Variants in HHIPL2 observed in about 807,000 individuals in gnomAD.
The protein encoded by HHIPL2 is HHIP-like protein 2.
In HHIPL2, 61 loss-of-function variants were observed where a neutral mutation model predicts 61.0. The observed-to-expected ratio is 1.00, with a 90% CI of 0.81 to 1.24. The LOEUF (loss-of-function observed/expected upper bound fraction) is 1.24, where lower values mean the gene tolerates loss of function less well. Among genes scored for constraint, HHIPL2 ranks in the 50% most tolerant of loss-of-function variants. The probability of loss-of-function intolerance (pLI) is 0.00; values close to 1 mark genes in which losing one functional copy is unlikely to be tolerated. For synonymous variants in HHIPL2, 343 were observed against 357.4 expected (o/e 0.96, Z 0.45); for missense variants, 885 against 910.2 (o/e 0.97, Z 0.36).
chr1:222,546,103 G>A (rs1571780223), intron 1 of HHIPL2, among the ~76,000 whole-genome samples: 2 of 147,464 alleles, frequency 1.4e-5, no homozygotes, highest in East Asian at 4.0e-4. Context: ...TGTTGAGTCT[G>A]TCTTACGTGC....
intron 1 of HHIPL2, among the ~76,000 whole-genome samples, chr1:222,546,857 G>GTTC (rs1659566272): frequency 6.6e-6 from 1 of 152,234 alleles, no homozygotes; most frequent in Non-Finnish European, 1.5e-5. Flanking sequence ...GTCATGAACA[G>GTTC]ATGCCTGTGG....
chr1:222,525,553 C>T (rs1319889131), intron 7 of HHIPL2, among the ~76,000 whole-genome samples: 9 of 152,202 alleles, frequency 5.9e-5, no homozygotes, highest in African/African-American at 2.2e-4. Context: ...AAGCCCTAAC[C>T]AGTGGCTGGA....
intron 1 of HHIPL2, among the ~76,000 whole-genome samples, chr1:222,547,261 G>A (rs1015348675): frequency 2.6e-5 from 4 of 152,172 alleles, no homozygotes; most frequent in South Asian, 4.2e-4. Context: ...CCAGGGTGAC[G>A]CCAGAGATGC....
At position 222,522,893 on chromosome 1, in the gene HHIPL2, A is replaced by G. The variant is rs761750170; in HGVS notation, c.1889-6T>C. ...TAGCAAGTCCAAGACTGTCTCTGAGAAATCAGTATTTATTTAGTGAAAAAT... is the reference window on the plus strand; with the variant it reads ...TAGCAAGTCCAAGACTGTCTCTGAGGAATCAGTATTTATTTAGTGAAAAAT... On this transcript the variant is annotated splice_region_variant and splice_polypyrimidine_tract_variant and intron_variant, in intron 8 of 8. Transcript: ENST00000343410. The G allele has an allele frequency of 2.5e-6, 4 of 1,610,112 alleles. No homozygotes were observed. In the African/African-American group the frequency reaches 5.4e-5, roughly 22 times the overall value.
chr1:222,526,086 G>C (rs1659057824), intron 7 of HHIPL2, among the ~76,000 whole-genome samples: 1 of 152,076 alleles, frequency 6.6e-6, no homozygotes, highest in African/African-American at 2.4e-5. Context: ...CACCCTCCCT[G>C]GGGCAGATAA....
chr1:222,530,887 C>T (rs1232062827), intron 6 of HHIPL2, among the ~76,000 whole-genome samples: 3 of 151,688 alleles, frequency 2.0e-5, no homozygotes, highest in Admixed American at 1.3e-4. Flanking sequence ...GGTGATATCT[C>T]GTGCCAAATA....
At chr1:222,531,039 A>T (rs1659177111) in intron 6 of HHIPL2, among the ~76,000 whole-genome samples, 1 of 152,192 alleles carries the variant, frequency 6.6e-6, no homozygotes, top group Admixed American at 6.5e-5. Context: ...AATGTATTAG[A>T]GCTGAGTCTC....
At chr1:222,539,134 T>C (rs1659368950) in intron 4 of HHIPL2, 1 of 203,204 alleles carries the variant, frequency 4.9e-6, no homozygotes, top group African/African-American at 2.3e-5. Flanking sequence ...GACTGCTTTA[T>C]AAGTTAGAGG....
chr1:222,531,842 G>T (rs1312071113), intron 6 of HHIPL2, 124 bp downstream of exon 6: 1 of 841,006 alleles, frequency 1.2e-6, no homozygotes, highest in Admixed American at 3.0e-5. Context: ...CATTATAAAA[G>T]ATGACTAAAC....
chr1:222,529,228 C>A (rs1407983749), intron 6 of HHIPL2, among the ~76,000 whole-genome samples: 1 of 152,174 alleles, frequency 6.6e-6, no homozygotes, highest in Non-Finnish European at 1.5e-5. Flanking sequence ...AGCTGCCTAA[C>A]AAACTATGAT....
rs75645630 is a variant in HHIPL2, at chr1:222,524,244, C to T, written c.1806-550G>A. The T allele has an allele frequency of 6.1e-3, 941 of 153,454 alleles. 21 individuals carry two copies. The East Asian group carries it at 0.088, about 14-fold the overall frequency. The allele number at this position is 153,454 out of a possible 1,614,324, so 9.5% of individuals were successfully genotyped here. A position where few individuals can be genotyped will look rare whatever the true frequency, so the allele number is the denominator to read the frequency against. The stretch of plus-strand genomic sequence containing the variant: ...CACACATTCTTAAACTGCTTGTCCC[C>T]GGGTGCATCTTCTGAAATAAAAGGG... On this transcript the variant is annotated intron_variant, in intron 7 of 8. Transcript: ENST00000343410.
At position 222,532,031 on chromosome 1, in the gene HHIPL2, C is replaced by A; in HGVS notation, c.1658G>T (p.Cys553Phe). 1 of 1,613,868 alleles carries A rather than the reference C, an allele frequency of 6.2e-7. No homozygotes were observed. The highest frequency in any genetic ancestry group is 8.5e-7 in the Non-Finnish European group (1 of 1,179,762). The change falls in exon 6 of 9, where the codon TGT becomes TTT. Residue 553 changes from cysteine (C) to phenylalanine (F), a missense_variant. Physicochemically the swap from Cys to Phe is radical, Grantham distance 205. Coordinates refer to ENST00000343410, the MANE Select transcript of HHIPL2 (RefSeq NM_024746.4). ...GGTGCTGATCAGCCCTGGGAAGGCA[C>A]AGGACGTGGTGCTGCCCAGGCAAAG... ...QDLCLGSTTS[C>F]AFPGLISTHS...
chr1:222,522,573 C>G lies in HHIPL2; in HGVS notation c.*28G>C. The G allele has an allele frequency of 6.2e-7, 1 of 1,602,362 alleles. No homozygotes were observed. The highest frequency in any genetic ancestry group is 8.5e-7 in the Non-Finnish European group (1 of 1,176,686). On this transcript the variant is annotated 3_prime_UTR_variant, in exon 9 of 9. Transcript: ENST00000343410. ...ATGAGGTGGCTCTCCTCTCTCACGT[C>G]ACCCTGTCGGCCACCTTGACCAATA...
At chr1:222,541,163 G>A (rs1398818374) in intron 3 of HHIPL2, among the ~76,000 whole-genome samples, 1 of 152,184 alleles carries the variant, frequency 6.6e-6, no homozygotes, top group Non-Finnish European at 1.5e-5. Flanking sequence ...AGCGTTTAAT[G>A]CAATTCTTGA....
rs1571777849 is a variant in HHIPL2, at chr1:222,543,802, G to A, written c.709C>T (p.Gln237Ter). Residue 237 changes from glutamine (Q) to a stop codon, truncating the protein, a stop_gained, in exon 2 of 9, where the codon CAG becomes TAG. Transcript: ENST00000343410. LOFTEE classifies it high-confidence loss of function. ...DGTHRFFVAE[Q>*]VGVVWVYLPD... ...AGGTAGACCCACACCACTCCTACCT[G>A]CTCGGCAACAAAGAAGCGATGGGTG... 1 of 1,614,114 alleles carries A rather than the reference G, an allele frequency of 6.2e-7. No homozygotes were observed. The highest frequency in any genetic ancestry group is 8.5e-7 in the Non-Finnish European group (1 of 1,180,014).
In HHIPL2 at chr1:222,531,955, A is replaced by C. The variant is rs764459953; in HGVS notation, c.1723+11T>G. 2 of 1,596,454 alleles carry C rather than the reference A, an allele frequency of 1.3e-6. No homozygotes were observed. The highest frequency in any genetic ancestry group is 1.7e-6 in the Non-Finnish European group (2 of 1,168,558). ...GTAAGCAGAAATCAAACAACTCTGTACATTTGTTACCTGCTTCATCTTCAG... is the reference window on the plus strand; with the variant it reads ...GTAAGCAGAAATCAAACAACTCTGTCCATTTGTTACCTGCTTCATCTTCAG... On this transcript the variant is annotated intron_variant, in intron 6 of 8. Transcript: ENST00000343410.
At chr1:222,524,746 G>C (rs1659024336) in intron 7 of HHIPL2, among the ~76,000 whole-genome samples, 1 of 152,192 alleles carries the variant, frequency 6.6e-6, no homozygotes, top group South Asian at 2.1e-4. Context: ...TGCTGGGATT[G>C]GTGCATTTCG....
At chr1:222,523,525 CA>C in intron 8 of HHIPL2, 86 bp downstream of exon 8, 3 of 1,245,816 alleles carry the variant, frequency 2.4e-6, no homozygotes, top group Non-Finnish European at 3.5e-6. Flanking sequence ...ACTAAGACTC[CA>C]CCATGGGAAT....
At position 222,548,030 on chromosome 1, in the gene HHIPL2, G is replaced by A; in HGVS notation, c.15C>T (p.Ser5=). 6.4e-7 allele frequency: 1 copy of A among 1,556,900 alleles called. No homozygotes were observed. The highest frequency in any genetic ancestry group is 1.2e-5 in the South Asian group (1 of 82,596). Residue 5 remains serine (S), a synonymous_variant, in exon 1 of 9, where the codon TCC becomes TCT. Coordinates refer to ENST00000343410, the MANE Select transcript of HHIPL2 (RefSeq NM_024746.4). ...GCAGACCACCACACAGATTAGGAGT[G>A]GACGTTCTCAGCATTTTGGCCTTGG... MLRT[S]TPNLCGGLHC...
Sources: allele counts gnomAD v4.1 joint callset (sites outside exome capture counted in the v4.1 genomes callset), GRCh38; gene constraint gnomAD v4.1.1; transcripts MANE v1.5; gene names NCBI Gene and HGNC (gene_info 2026-07-23, HGNC 2026-07-21).